The following EFL1 variants were observed in gnomAD, a reference collection of about 807,000 sequenced individuals.
EFL1 encodes elongation factor-like GTPase 1.
In EFL1, 76 loss-of-function variants were observed where a neutral mutation model predicts 126.7. That is an observed-to-expected ratio of 0.60 (90% CI 0.50 to 0.73). The LOEUF is 0.73. Ranked by LOEUF, EFL1 falls within the 30% of genes least tolerant of loss-of-function variation. EFL1 has a pLI of 0.00. For synonymous variants in EFL1, 410 were observed against 448.4 expected, an observed-to-expected ratio of 0.91 and a Z score of 1.08; for missense variants, 1,128 against 1,343.2, an observed-to-expected ratio of 0.84 and a Z score of 2.50.
At chr15:82,170,728 T>A (rs2074127082) in intron 15 of EFL1, among the ~76,000 whole-genome samples, 1 of 152,248 alleles carries the variant, frequency 6.6e-6, no homozygotes, top group Non-Finnish European at 1.5e-5. Context: ...TTGTATATAT[T>A]GTTAACTACA....
chr15:82,169,499 A>G (rs2074112053), intron 15 of EFL1, among the ~76,000 whole-genome samples: 1 of 152,228 alleles, frequency 6.6e-6, no homozygotes, highest in African/African-American at 2.4e-5. Context: ...CAAGAATAAA[A>G]TCCAGATTCC....
intron 15 of EFL1, among the ~76,000 whole-genome samples, chr15:82,210,308 C>T (rs2141291299): frequency 6.6e-6 from 1 of 152,298 alleles, no homozygotes; most frequent in African/African-American, 2.4e-5. Flanking sequence ...TTCTAATAAA[C>T]AGAATGTGGC....
chr15:82,219,744 C>G lies in EFL1; in HGVS notation c.1519G>C (p.Ala507Pro). 1.2e-6 allele frequency: 2 copies of G among 1,614,006 alleles called. No individual in the cohort carries two copies. The highest frequency in any genetic ancestry group is 1.7e-6 in the Non-Finnish European group (2 of 1,179,958). Residue 507 changes from alanine (A) to proline (P), a missense_variant, in exon 14 of 20, where the codon GCA (alanine) becomes CCA (proline). Coordinates refer to ENST00000268206, the MANE Select transcript of EFL1 (RefSeq NM_024580.6). Reference protein sequence around the residue: ...QEENNQESFIAFARVFSGVAR... With the variant: ...QEENNQESFIPFARVFSGVAR... Reference sequence around the variant, plus strand: ...ACACCACTGAACACCCGAGCAAATGCAATAAAAGACTCTTGGTTGTTTTCT... The same window carrying G: ...ACACCACTGAACACCCGAGCAAATGGAATAAAAGACTCTTGGTTGTTTTCT...
Position 82,227,580 on chromosome 15 carries a change from C to G in EFL1, c.1070-8G>C, listed in dbSNP as rs747974700. The G allele has an allele frequency of 5.0e-6, 8 of 1,614,066 alleles. No individual in the cohort carries two copies. The highest frequency in any genetic ancestry group is 6.8e-6 in the Non-Finnish European group (8 of 1,179,958). ...GTTTCTGACACACCATAGCTGAAGT[C>G]TATTGTTAAGGACTGAAAACCTTGA... is the stretch of plus-strand genomic sequence containing the variant. On this transcript the variant is annotated splice_polypyrimidine_tract_variant and splice_region_variant and intron_variant, in intron 10 of 19. Coordinates refer to ENST00000268206, the MANE Select transcript of EFL1 (RefSeq NM_024580.6).
chr15:82,170,712 AT>A (rs1018087605), intron 15 of EFL1, among the ~76,000 whole-genome samples: 2 of 152,150 alleles, frequency 1.3e-5, no homozygotes, highest in African/African-American at 4.8e-5. Context: ...TGCATATTTA[AT>A]TTTTTTGTAT....
chr15:82,174,113 C>T (rs140901903), intron 15 of EFL1: 2,739 of 152,138 alleles, frequency 0.018, 29 homozygotes, highest in Non-Finnish European at 0.026. Flanking sequence ...GGCGTGAACC[C>T]GGGAGGCGGA....
intron 15 of EFL1, among the ~76,000 whole-genome samples, chr15:82,178,005 A>C (rs1281646641): frequency 6.6e-6 from 1 of 152,216 alleles, no homozygotes; most frequent in African/African-American, 2.4e-5. Flanking sequence ...ACTGTGAGGT[A>C]AGATTGTCAT....
chr15:82,236,103 CT>C (rs1400106866), intron 7 of EFL1, among the ~76,000 whole-genome samples: 1 of 151,650 alleles, frequency 6.6e-6, no homozygotes, highest in African/African-American at 2.4e-5. Flanking sequence ...AAGTGTAAAT[CT>C]AACTCAACAT....
intron 6 of EFL1, among the ~76,000 whole-genome samples, chr15:82,240,169 G>A (rs189927265): frequency 0.018 from 2,731 of 152,246 alleles, 29 homozygotes; most frequent in Non-Finnish European, 0.026. Flanking sequence ...GCTTCACTTT[G>A]GAACCAAGAT....
chr15:82,243,558 C>T (rs373643301), intron 4 of EFL1, among the ~76,000 whole-genome samples: 21,184 of 49,796 alleles, frequency 0.43, 5,143 homozygotes, highest in African/African-American at 0.49. Context: ...GAACTTCAAG[C>T]ACTTTTCCAT....
intron 15 of EFL1, among the ~76,000 whole-genome samples, chr15:82,178,764 T>C (rs2074219447): frequency 1.3e-5 from 2 of 152,170 alleles, no homozygotes; most frequent in South Asian, 4.1e-4. Context: ...TCTCTGGACA[T>C]GCCCCTCCTC....
chr15:82,182,292 A>T (rs2074259548), intron 15 of EFL1, among the ~76,000 whole-genome samples: 1 of 152,110 alleles, frequency 6.6e-6, no homozygotes, highest in Non-Finnish European at 1.5e-5. Flanking sequence ...AATTGCACAA[A>T]CAGATATATT....
At chr15:82,244,802 G>C (rs1207110254) in intron 4 of EFL1, among the ~76,000 whole-genome samples, 1 of 152,090 alleles carries the variant, frequency 6.6e-6, no homozygotes, top group African/African-American at 2.4e-5. Context: ...TCTGTATTCA[G>C]TAAAACTTCA....
At position 82,137,971 on chromosome 15, in the gene EFL1, C is replaced by G. The variant is rs935667019; in HGVS notation, c.3174+687G>C. 3.9e-5 allele frequency among the ~76,000 whole-genome samples: 6 copies of G among 152,264 alleles called. No homozygotes were observed. The Middle Eastern group carries it at 0.01, about 259-fold the overall frequency. On this transcript the variant is annotated intron_variant, in intron 19 of 19. Coordinates refer to ENST00000268206, the MANE Select transcript of EFL1 (RefSeq NM_024580.6). ...TTTGCCACTTGTTATTCTTTTTTCT[C>G]TAACTTAACAATGTGTTCACAATCT...
chr15:82,198,539 T>C (rs2074434274), intron 15 of EFL1, among the ~76,000 whole-genome samples: 1 of 152,188 alleles, frequency 6.6e-6, no homozygotes, highest in Non-Finnish European at 1.5e-5. Flanking sequence ...CCTCTGGCTG[T>C]CTGAATGTCA....
chr15:82,195,569 T>A (rs2074400022), intron 15 of EFL1, among the ~76,000 whole-genome samples: 1 of 152,116 alleles, frequency 6.6e-6, no homozygotes, highest in South Asian at 2.1e-4. Flanking sequence ...GGACCTCCAG[T>A]CTCTCTTTGT....
At chr15:82,172,654 G>A (rs2074149119) in intron 15 of EFL1, among the ~76,000 whole-genome samples, 1 of 152,072 alleles carries the variant, frequency 6.6e-6, no homozygotes, top group African/African-American at 2.4e-5. Context: ...GAATTACCAC[G>A]TAAATCAAAG....
chr15:82,151,494 CAT>C lies in EFL1; in HGVS notation c.2958_2959del (p.Cys987Ter). 3 of 1,613,192 alleles carry C rather than the reference CAT, an allele frequency of 1.9e-6. No individual in the cohort carries two copies. Among genetic ancestry groups the C allele is most frequent in the Non-Finnish European group, 2.5e-6 (3 of 1,179,650 alleles). ...AACATCACCAGTGGCCATGATGTCA[CAT>C]GTGTACATAGCTGCCATCAGGCGCT... On this transcript the variant is annotated frameshift_variant, in exon 18 of 20. Transcript: ENST00000268206. LOFTEE classifies it high-confidence loss of function.
At chr15:82,175,377 G>A (rs762948534) in intron 15 of EFL1, among the ~76,000 whole-genome samples, 7 of 152,216 alleles carry the variant, frequency 4.6e-5, no homozygotes, top group Admixed American at 6.5e-5. Context: ...TCCAGGGCAC[G>A]CATTACTTCC....
Sources: gnomAD v4.1 joint callset for allele counts (sites outside exome capture counted in the v4.1 genomes callset) on GRCh38, gnomAD v4.1.1 for gene constraint, MANE v1.5 for transcripts, NCBI Gene and HGNC (gene_info 2026-07-23, HGNC 2026-07-21) for gene names.